The following EEF1G variants were observed in gnomAD, a reference collection of about 807,000 sequenced individuals.
EEF1G encodes elongation factor 1-gamma.
Under a neutral mutation model 58.3 loss-of-function variants are expected in EEF1G, and 14 were observed. The observed-to-expected ratio is 0.24, with a 90% CI of 0.16 to 0.38. EEF1G has a LOEUF of 0.38. EEF1G is among the 10% of genes least tolerant of loss of function. EEF1G has a pLI of 1.00. For synonymous variants in EEF1G, 180 were observed against 206.8 expected (o/e 0.87, Z 1.11); for missense variants, 322 against 550.1 (o/e 0.59, Z 4.15).
chr11:62,565,361 G>A (rs572916031), intron 7 of EEF1G, among the ~76,000 whole-genome samples: 3 of 152,096 alleles, frequency 2.0e-5, no homozygotes, highest in Admixed American at 1.3e-4. Context: ...ACTCCAGATT[G>A]GACAACAAAG....
chr11:62,571,483 C>T (rs1415774908), intron 4 of EEF1G, 57 bp downstream of exon 4: 1 of 1,535,438 alleles, frequency 6.5e-7, no homozygotes, highest in Non-Finnish European at 8.8e-7. Flanking sequence ...TTACTCCCAA[C>T]ACCCAGGAGC....
Position 62,562,468 on chromosome 11 carries a change from A to T in EEF1G, c.858-2014T>A, listed in dbSNP as rs373286661. ...AAGAAAATCACCTATAATGCCAACA[A>T]GAGGATAATCTTTTTTTTGTTTTGT... On this transcript the variant is annotated intron_variant, in intron 7 of 9. Transcript: ENST00000329251. 2.6e-5 allele frequency among the ~76,000 whole-genome samples: 4 copies of T among 152,226 alleles called. No individual in the cohort carries two copies. The East Asian group carries it at 5.8e-4, about 22-fold the overall frequency.
At chr11:62,567,046 T>G (rs1347119142) in intron 6 of EEF1G, 36 bp from the exon 7 acceptor site, 3 of 1,606,370 alleles carry the variant, frequency 1.9e-6, no homozygotes, top group Admixed American at 3.3e-5. Context: ...GAACGAATGT[T>G]CTGCCTCTTT....
At chr11:62,569,059 C>T (rs573227359) in intron 5 of EEF1G, among the ~76,000 whole-genome samples, 1 of 151,866 alleles carries the variant, frequency 6.6e-6, no homozygotes, top group South Asian at 2.1e-4. Flanking sequence ...TATTTACTAT[C>T]TATATTGGCC....
chr11:62,570,902 C>T (rs970700434), intron 5 of EEF1G, 63 bp downstream of exon 5: 3 of 1,606,878 alleles, frequency 1.9e-6, no homozygotes, highest in South Asian at 1.1e-5. Context: ...AACCTAGATA[C>T]CTCGTCACTT....
chr11:62,565,869 T>G (rs772040639), intron 7 of EEF1G, among the ~76,000 whole-genome samples: 4 of 152,196 alleles, frequency 2.6e-5, no homozygotes, highest in Non-Finnish European at 5.9e-5. Context: ...ACAGCTACTG[T>G]GTCCCTACCA....
At chr11:62,563,608 T>C (rs189350938) in intron 7 of EEF1G, among the ~76,000 whole-genome samples, 1 of 152,340 alleles carries the variant, frequency 6.6e-6, no homozygotes. Context: ...TAATGCAGGA[T>C]TGTGCCATAA....
intron 4 of EEF1G, among the ~76,000 whole-genome samples, 199 bp downstream of exon 4, chr11:62,571,341 A>G (rs1177670460): frequency 2.6e-5 from 4 of 152,048 alleles, no homozygotes; most frequent in African/African-American, 9.7e-5. Flanking sequence ...CACAGCAGCA[A>G]TCCCTCTTCT....
chr11:62,569,916 A>G (rs919179393), intron 5 of EEF1G, among the ~76,000 whole-genome samples: 7 of 152,212 alleles, frequency 4.6e-5, no homozygotes, highest in Non-Finnish European at 8.8e-5. Context: ...TAACCTTGAC[A>G]GTGATTATTA....
At chr11:62,561,682 C>A (rs9667204) in intron 7 of EEF1G, among the ~76,000 whole-genome samples, 2,964 of 124,118 alleles carry the variant, frequency 0.024, 87 homozygotes, top group Middle Eastern at 0.057. Context: ...AAAAAAAAAA[C>A]AAAAAAAAAA....
At chr11:62,573,717 C>G in intron 1 of EEF1G, 114 bp downstream of exon 1, 2 of 1,449,832 alleles carry the variant, frequency 1.4e-6, no homozygotes, top group South Asian at 2.3e-5. Context: ...GTCTGTAGAC[C>G]CCCGAATCAG....
chr11:62,572,690 G>A lies in EEF1G; in HGVS notation c.65C>T (p.Ala22Val). 1 of 1,613,550 alleles carries A rather than the reference G, an allele frequency of 6.2e-7. No homozygotes were observed. The highest frequency in any genetic ancestry group is 8.5e-7 in the Non-Finnish European group (1 of 1,179,872). ...NWRAFKALIAAQYSGAQVRVL... is the reference protein window; with the variant it reads ...NWRAFKALIAVQYSGAQVRVL... ...GCGGACCTGAGCCCCGCTGTACTGA[G>A]CAGCGATGAGAGCCTTGAAGGCCCT... Residue 22 changes from alanine to valine, a missense_variant, in exon 2 of 10, where the codon GCT (alanine) becomes GTT (valine). By Grantham distance (64) the Ala-to-Val change is moderately conservative. This residue lies in a region of EEF1G where 62 missense variants were observed against 87.0 expected (regional missense o/e 0.71). Coordinates refer to ENST00000329251, the MANE Select transcript of EEF1G (RefSeq NM_001404.5).
chr11:62,564,742 G>C (rs1240377493), intron 7 of EEF1G, among the ~76,000 whole-genome samples: 1 of 121,966 alleles, frequency 8.2e-6, no homozygotes, highest in African/African-American at 3.3e-5. Flanking sequence ...CTGGGCGACA[G>C]AGCCAGACTC....
intron 7 of EEF1G, among the ~76,000 whole-genome samples, chr11:62,564,125 A>G (rs1941529105): frequency 6.6e-6 from 1 of 152,226 alleles, no homozygotes; most frequent in Non-Finnish European, 1.5e-5. Context: ...AAATCTGGAC[A>G]TTAATAGTCT....
chr11:62,564,354 C>T (rs1461638200), intron 7 of EEF1G, among the ~76,000 whole-genome samples: 1 of 151,020 alleles, frequency 6.6e-6, no homozygotes, highest in Non-Finnish European at 1.5e-5. Flanking sequence ...TCCCCAGCTA[C>T]TCGGGAGGCT....
chr11:62,570,380 A>G (rs1423393955), intron 5 of EEF1G, among the ~76,000 whole-genome samples: 5 of 152,152 alleles, frequency 3.3e-5, no homozygotes. Flanking sequence ...AAAAGATCTT[A>G]ATGCTGAAGC....
intron 7 of EEF1G, among the ~76,000 whole-genome samples, chr11:62,566,146 C>T (rs555369579): frequency 7.9e-5 from 12 of 152,282 alleles, no homozygotes; most frequent in Admixed American, 2.0e-4. Context: ...TGGGCAAGCA[C>T]TCAGCGTCCT....
At chr11:62,568,688 G>A (rs117040370) in intron 5 of EEF1G, among the ~76,000 whole-genome samples, 3,280 of 151,972 alleles carry the variant, frequency 0.022, 47 homozygotes, top group Non-Finnish European at 0.034. Flanking sequence ...AATTTCAAAC[G>A]TCGGCCAGGA....
At position 62,560,157 on chromosome 11, in the gene EEF1G, G is replaced by C. The variant is rs752420312; in HGVS notation, c.1067C>G (p.Ala356Gly). 3.7e-6 allele frequency: 6 copies of C among 1,614,044 alleles called. No individual in the cohort carries two copies. In the South Asian group the frequency reaches 4.4e-5, roughly 12 times the overall value. ...FQRLDKLRKN[A>G]FASVILFGTN... ...TCCAAAAAGGATGACACTGGCGAAGGCATTCTTCCTCAGCTTGTCCAGTCG... is the reference window on the plus strand; with the variant it reads ...TCCAAAAAGGATGACACTGGCGAAGCCATTCTTCCTCAGCTTGTCCAGTCG... Residue 356 changes from alanine (A) to glycine (G), a missense_variant, in exon 9 of 10, where the codon GCC (alanine) becomes GGC (glycine). Ala to Gly is a moderately conservative substitution (Grantham distance 60, BLOSUM62 0). This residue lies in a region of EEF1G where 208 missense variants were observed against 323.7 expected (regional missense o/e 0.64). Coordinates refer to ENST00000329251, the MANE Select transcript of EEF1G (RefSeq NM_001404.5).
Sources: allele counts gnomAD v4.1 joint callset (sites outside exome capture counted in the v4.1 genomes callset), GRCh38; gene constraint gnomAD v4.1.1; regional missense constraint gnomAD v4.1.1; transcripts MANE v1.5; gene names NCBI Gene and HGNC (gene_info 2026-07-23, HGNC 2026-07-21).